The following LRRTM4 variants were observed in gnomAD, a reference collection of about 807,000 sequenced individuals.
LRRTM4 encodes leucine-rich repeat transmembrane neuronal protein 4.
LRRTM4 carries 25 observed loss-of-function variants against 47.6 expected under a neutral mutation model. The observed-to-expected ratio is 0.53, with a 90% confidence interval of 0.38 to 0.73. LRRTM4 has a LOEUF of 0.73. Ranked by LOEUF, LRRTM4 falls within the 30% of genes least tolerant of loss-of-function variation. The pLI, the probability that LRRTM4 is intolerant of heterozygous loss-of-function variation, is 0.00. For synonymous variants in LRRTM4, 311 were observed against 269.5 expected, an observed-to-expected ratio of 1.15 and a Z score of -1.51; for missense variants, 638 against 713.4, an observed-to-expected ratio of 0.89 and a Z score of 1.20.
intron 3 of LRRTM4, among the ~76,000 whole-genome samples, chr2:76,843,557 A>T (rs1203146151): frequency 6.6e-6 from 1 of 152,212 alleles, no homozygotes; most frequent in Non-Finnish European, 1.5e-5. Flanking sequence ...TGAATATTTC[A>T]TAATAACAAT....
At chr2:77,086,476 A>C (rs1423047212) in intron 3 of LRRTM4, among the ~76,000 whole-genome samples, 2 of 131,156 alleles carry the variant, frequency 1.5e-5, no homozygotes, top group Non-Finnish European at 3.2e-5. Flanking sequence ...ACATATAATA[A>C]TTTTTTTTTT....
chr2:76,833,269 C>A (rs776356306), intron 3 of LRRTM4, among the ~76,000 whole-genome samples: 3 of 152,106 alleles, frequency 2.0e-5, no homozygotes, highest in Non-Finnish European at 4.4e-5. Flanking sequence ...AAAGAATCCT[C>A]CGTGACTTAT....
chr2:77,475,508 C>G (rs946484137), intron 3 of LRRTM4, among the ~76,000 whole-genome samples: 11 of 151,900 alleles, frequency 7.2e-5, no homozygotes, highest in Non-Finnish European at 1.2e-4. Flanking sequence ...ATAGTGATCT[C>G]AAATAAAATT....
intron 3 of LRRTM4, among the ~76,000 whole-genome samples, chr2:77,339,016 GCATGTTCC>G (rs1671269259): frequency 6.6e-6 from 1 of 151,758 alleles, no homozygotes; most frequent in Non-Finnish European, 1.5e-5. Context: ...ACCAAATATC[GCATGTTCC>G]CATTTATGAG....
chr2:76,770,026 CA>C (rs1483238924), intron 3 of LRRTM4, among the ~76,000 whole-genome samples: 3 of 152,138 alleles, frequency 2.0e-5, no homozygotes, highest in African/African-American at 4.8e-5. Context: ...GCAGGCCTGA[CA>C]TTATTCTGAT....
chr2:77,024,203 C>T (rs1021124111), intron 3 of LRRTM4, among the ~76,000 whole-genome samples: 1 of 152,132 alleles, frequency 6.6e-6, no homozygotes, highest in African/African-American at 2.4e-5. Flanking sequence ...ATGGTAATTA[C>T]GGGAATACAA....
intron 3 of LRRTM4, among the ~76,000 whole-genome samples, chr2:76,775,351 C>A (rs962907911): frequency 5.9e-5 from 9 of 151,820 alleles, no homozygotes; most frequent in Admixed American, 5.9e-4. Context: ...TCCTTATGAT[C>A]CCCTGATCTA....
chr2:77,108,088 A>G (rs1272932746), intron 3 of LRRTM4, among the ~76,000 whole-genome samples: 1 of 152,152 alleles, frequency 6.6e-6, no homozygotes, highest in Non-Finnish European at 1.5e-5. Flanking sequence ...AAGTGAACCC[A>G]GAGAAATCAA....
At chr2:77,140,787 C>A (rs1672098287) in intron 3 of LRRTM4, among the ~76,000 whole-genome samples, 1 of 152,148 alleles carries the variant, frequency 6.6e-6, no homozygotes, top group Admixed American at 6.5e-5. Context: ...AAGAAAAAAA[C>A]AACCCCATCA....
At chr2:77,403,891 G>A (rs910479474) in intron 3 of LRRTM4, among the ~76,000 whole-genome samples, 8 of 144,894 alleles carry the variant, frequency 5.5e-5, no homozygotes, top group African/African-American at 2.3e-4. Flanking sequence ...TATATTTTAG[G>A]AAAGGCGATT....
rs146348143 is a variant in LRRTM4, at chr2:77,351,085, A to G, written c.1551+167233T>C. ...CTCCTTCCTCCCACCCCGTATGCTC[A>G]TGTAGGCTCCAGTGCCTATTGTTCC... On this transcript the variant is annotated intron_variant, in intron 3 of 3. Transcript: ENST00000409884. Among the ~76,000 whole-genome samples, 1,262 of 152,200 alleles carry G rather than the reference A, an allele frequency of 8.3e-3. 24 individuals are homozygous for G. Among genetic ancestry groups the G allele is most frequent in the African/African-American group, 0.029 (1,225 of 41,528 alleles).
At chr2:76,891,071 C>T (rs1260496525) in intron 3 of LRRTM4, among the ~76,000 whole-genome samples, 1 of 151,488 alleles carries the variant, frequency 6.6e-6, no homozygotes, top group East Asian at 1.9e-4. Flanking sequence ...GGTCCCACTT[C>T]AGAAAAAGAG....
chr2:77,175,276 C>T (rs951234589), intron 3 of LRRTM4, among the ~76,000 whole-genome samples: 29 of 151,890 alleles, frequency 1.9e-4, no homozygotes, highest in African/African-American at 6.8e-4. Context: ...GCTTGCATGT[C>T]TGACATAATG....
chr2:77,219,963 G>A (rs1412162659), intron 3 of LRRTM4, among the ~76,000 whole-genome samples: 4 of 152,106 alleles, frequency 2.6e-5, no homozygotes, highest in African/African-American at 7.2e-5. Flanking sequence ...CCCCAGTAGG[G>A]GTGGACTGAC....
intron 3 of LRRTM4, among the ~76,000 whole-genome samples, chr2:77,419,209 A>G (rs1674769298): frequency 6.6e-6 from 1 of 152,182 alleles, no homozygotes; most frequent in South Asian, 2.1e-4. Flanking sequence ...TGCTGTGATT[A>G]CAAACACTTG....
chr2:76,828,424 T>TA (rs1275660185), intron 3 of LRRTM4, among the ~76,000 whole-genome samples: 2 of 152,018 alleles, frequency 1.3e-5, no homozygotes, highest in African/African-American at 2.4e-5. Context: ...GACTCAGTGC[T>TA]AATTCTCTTG....
intron 3 of LRRTM4, among the ~76,000 whole-genome samples, chr2:77,265,243 T>G (rs1676020028): frequency 1.3e-5 from 2 of 152,154 alleles, no homozygotes; most frequent in African/African-American, 4.8e-5. Context: ...ATCAGTACAC[T>G]AATATGTTAG....
At chr2:76,882,192 A>T (rs1056627655) in intron 3 of LRRTM4, among the ~76,000 whole-genome samples, 2 of 152,082 alleles carry the variant, frequency 1.3e-5, no homozygotes, top group African/African-American at 2.4e-5. Context: ...TCTATATAAG[A>T]TATTAATATT....
intron 3 of LRRTM4, among the ~76,000 whole-genome samples, chr2:77,497,609 A>T (rs558762860): frequency 2.0e-5 from 3 of 151,224 alleles, no homozygotes; most frequent in Admixed American, 1.3e-4. Flanking sequence ...CCACTATACT[A>T]TGTACATATA....
Sources: gnomAD v4.1 joint callset for allele counts (sites outside exome capture counted in the v4.1 genomes callset) on GRCh38, gnomAD v4.1.1 for gene constraint, MANE v1.5 for transcripts, NCBI Gene and HGNC (gene_info 2026-07-23, HGNC 2026-07-21) for gene names.